Variants in MKLN1 observed in about 807,000 individuals in gnomAD.
MKLN1 encodes the protein muskelin 1.
A neutral mutation model predicts 99.0 loss-of-function variants in MKLN1; 18 were observed. The ratio of observed to expected loss-of-function variants is 0.18; its 90% confidence interval spans 0.13 to 0.27. The LOEUF is 0.27. MKLN1 is among the 10% of genes least tolerant of loss of function. The probability of loss-of-function intolerance (pLI) is 1.00; values close to 1 mark genes in which losing one functional copy is unlikely to be tolerated. For missense variants in MKLN1, 621 were observed against 875.9 expected, an observed-to-expected ratio of 0.71 and a Z score of 3.67; for synonymous variants, 288 against 293.2, an observed-to-expected ratio of 0.98 and a Z score of 0.18.
intron 1 of MKLN1, among the ~76,000 whole-genome samples, chr7:131,338,412 C>A (rs538651655): frequency 6.6e-6 from 1 of 152,316 alleles, no homozygotes; most frequent in African/African-American, 2.4e-5. Flanking sequence ...TGGCCTGTGC[C>A]ATTAAAGAAA....
At chr7:131,474,960 TGA>T (rs1383828129) in intron 16 of MKLN1, among the ~76,000 whole-genome samples, 1 of 151,782 alleles carries the variant, frequency 6.6e-6, no homozygotes, top group Non-Finnish European at 1.5e-5. Flanking sequence ...AGAGTGACAA[TGA>T]GGGGGGAAAT....
chr7:131,406,400 C>T (rs1162843404), intron 6 of MKLN1, among the ~76,000 whole-genome samples: 1 of 151,862 alleles, frequency 6.6e-6, no homozygotes, highest in African/African-American at 2.4e-5. Context: ...TTCTCTCTTC[C>T]CATGTGAGGA....
intron 12 of MKLN1, among the ~76,000 whole-genome samples, chr7:131,460,430 G>T (rs1796481755): frequency 6.6e-6 from 1 of 152,182 alleles, no homozygotes; most frequent in African/African-American, 2.4e-5. Context: ...TTGTATAAGT[G>T]CACAGCACAT....
chr7:131,400,296 G>GT (rs1221687069), intron 6 of MKLN1, among the ~76,000 whole-genome samples: 1 of 151,532 alleles, frequency 6.6e-6, no homozygotes, highest in Non-Finnish European at 1.5e-5. Flanking sequence ...ACTGCCTTGA[G>GT]TTTATAAATT....
intron 9 of MKLN1, among the ~76,000 whole-genome samples, 162 bp downstream of exon 9, chr7:131,429,307 A>G (rs897513195): frequency 6.6e-5 from 10 of 152,176 alleles, no homozygotes; most frequent in African/African-American, 1.2e-4. Context: ...TTCAGCTTCT[A>G]TAACTGGCTG....
At chr7:131,123,063 C>T (rs1795401127) in intron 1 of MKLN1, among the ~76,000 whole-genome samples, 1 of 141,900 alleles carries the variant, frequency 7.0e-6, no homozygotes, top group Non-Finnish European at 1.5e-5. Flanking sequence ...TTGCTGCTAT[C>T]AGGGCCGCTG....
chr7:131,421,691 A>G (rs1472517432), intron 8 of MKLN1, among the ~76,000 whole-genome samples: 1 of 152,210 alleles, frequency 6.6e-6, no homozygotes, highest in Admixed American at 6.5e-5. Flanking sequence ...AGAATTTTAT[A>G]TGACTCAAAG....
intron 2 of MKLN1, among the ~76,000 whole-genome samples, chr7:131,153,288 G>A (rs997929187): frequency 6.6e-6 from 1 of 152,002 alleles, no homozygotes; most frequent in African/African-American, 2.4e-5. Context: ...TCATTGAAAT[G>A]TATTTAATGT....
At position 131,284,067 on chromosome 7, in the gene MKLN1, C is replaced by G. The variant is rs532512843; in HGVS notation, c.-179+81093C>G. 6.6e-5 allele frequency among the ~76,000 whole-genome samples: 10 copies of G among 152,216 alleles called. No individual in the cohort carries two copies. In the South Asian group the frequency reaches 2.1e-3, roughly 32 times the overall value. On this transcript the variant is annotated intron_variant, in intron 3 of 7. Transcript: ENST00000416992. ...TTGTTATGGCCAGTTTTTTGCTATT[C>G]CAAATCATGATGTAAATCATGCCCT... is the stretch of plus-strand genomic sequence containing the variant.
rs55945614 is a variant in MKLN1 at position 131,120,548 on chromosome 7, C to CAAAAA, written c.-419+10354_-419+10358dup. On this transcript the variant is annotated intron_variant, in intron 1 of 7. Coordinates refer to the MKLN1 transcript ENST00000416992. ...TGGGAGACAGAGCAAGACTCCCTCT[C>CAAAAA]AAAAAAAAAAAAAAAAAGAAAAAAG... Among the ~76,000 whole-genome samples, 661 of 97,924 alleles carry CAAAAA rather than the reference C, an allele frequency of 6.8e-3. 14 individuals carry two copies. The highest frequency in any genetic ancestry group is 0.019 in the African/African-American group (487 of 25,556). The allele number at this position is 97,924 out of a possible 152,430, so 64.2% of individuals were successfully genotyped here.
chr7:131,262,781 C>T (rs985913569), intron 3 of MKLN1, among the ~76,000 whole-genome samples: 14 of 151,952 alleles, frequency 9.2e-5, no homozygotes, highest in Admixed American at 5.2e-4. Context: ...CATCTGACCT[C>T]GTGATCCGCC....
At chr7:131,439,741 A>G (rs549125604) in intron 10 of MKLN1, among the ~76,000 whole-genome samples, 87 of 152,312 alleles carry the variant, frequency 5.7e-4, no homozygotes, top group Non-Finnish European at 1.2e-4. Context: ...TAACATATTT[A>G]AAAAATAAAA....
intron 2 of MKLN1, among the ~76,000 whole-genome samples, chr7:131,183,097 T>C (rs1158511728): frequency 1.3e-5 from 2 of 152,190 alleles, no homozygotes; most frequent in African/African-American, 4.8e-5. Flanking sequence ...AATAACACCC[T>C]CAAAGGAGCT....
At chr7:131,147,978 G>A (rs1795838464) in intron 2 of MKLN1, among the ~76,000 whole-genome samples, 1 of 152,184 alleles carries the variant, frequency 6.6e-6, no homozygotes, top group Admixed American at 6.5e-5. Flanking sequence ...GCACTGACAA[G>A]CATTATGGCA....
intron 1 of MKLN1, among the ~76,000 whole-genome samples, chr7:131,336,894 TC>T (rs1799265635): frequency 6.6e-6 from 1 of 152,188 alleles, no homozygotes; most frequent in Non-Finnish European, 1.5e-5. Context: ...TCTGAAGAAC[TC>T]CTTTTAGGGA....
intron 1 of MKLN1, among the ~76,000 whole-genome samples, chr7:131,111,534 C>A (rs985077294): frequency 6.6e-6 from 1 of 152,172 alleles, no homozygotes; most frequent in East Asian, 1.9e-4. Context: ...GGAAAGAAAT[C>A]TTTGCTTCCC....
rs982871821 is a variant in MKLN1, at chr7:131,201,004, C to G, written c.-296-1853C>G. On this transcript the variant is annotated intron_variant, in intron 2 of 7. Coordinates refer to the MKLN1 transcript ENST00000416992. Reference sequence around the variant, plus strand: ...CTTCCAAAACACTACTTCCTCCTTCCCTAAATTCATGAGGTGGCCACCTCT... The same window carrying G: ...CTTCCAAAACACTACTTCCTCCTTCGCTAAATTCATGAGGTGGCCACCTCT... Among the ~76,000 whole-genome samples the G allele has an allele frequency of 1.1e-4, 16 of 152,250 alleles. 1 individual carries two copies. Among genetic ancestry groups the G allele is most frequent in the South Asian group, 6.2e-4 (3 of 4,814 alleles).
At chr7:131,386,772 T>A (rs1041437739) in intron 2 of MKLN1, among the ~76,000 whole-genome samples, 2 of 152,226 alleles carry the variant, frequency 1.3e-5, no homozygotes, top group Non-Finnish European at 2.9e-5. Flanking sequence ...GTAATTGTTA[T>A]TTTTGTATTC....
intron 1 of MKLN1, among the ~76,000 whole-genome samples, chr7:131,373,784 C>T (rs1340449096): frequency 6.6e-6 from 1 of 152,188 alleles, no homozygotes; most frequent in Non-Finnish European, 1.5e-5. Flanking sequence ...CATTGGTACA[C>T]TACTATTAAC....
Sources: gnomAD v4.1 joint callset for allele counts (sites outside exome capture counted in the v4.1 genomes callset) on GRCh38, gnomAD v4.1.1 for gene constraint, MANE v1.5 for transcripts, NCBI Gene and HGNC (gene_info 2026-07-23, HGNC 2026-07-21) for gene names.